The following RALYL variants were observed in gnomAD, a reference collection of about 807,000 sequenced individuals.
RALYL encodes RALY RNA binding protein like.
Under a neutral mutation model 35.1 loss-of-function variants are expected in RALYL, and 29 were observed. That is an observed-to-expected ratio of 0.83 (90% confidence interval 0.61 to 1.13). The LOEUF (loss-of-function observed/expected upper bound fraction) is 1.13. RALYL is among the 50% of genes most tolerant of loss of function. The pLI is 0.00. For synonymous variants in RALYL, 120 were observed against 127.6 expected, an observed-to-expected ratio of 0.94 and a Z score of 0.40; for missense variants, 359 against 360.4, an observed-to-expected ratio of 1.00 and a Z score of 0.03.
intron 1 of RALYL, among the ~76,000 whole-genome samples, chr8:84,461,544 G>A (rs960427615): frequency 2.0e-5 from 3 of 151,694 alleles, no homozygotes; most frequent in Middle Eastern, 6.8e-3. Flanking sequence ...GCAAAATCTT[G>A]TTTTCTGGTA....
rs151196866 is a variant in RALYL at position 84,431,701 on chromosome 8, C to T, written c.-23-97598C>T. 4.1e-3 allele frequency among the ~76,000 whole-genome samples: 628 copies of T among 152,236 alleles called. 6 individuals are homozygous for T. Among genetic ancestry groups the T allele is most frequent in the African/African-American group, 0.014 (593 of 41,536 alleles). Reference sequence around the variant, plus strand: ...CACCTACAATAATGTCCTCCAGGTTCATTCATGGTGAGGCAAATGGCAGGA... The same window carrying T: ...CACCTACAATAATGTCCTCCAGGTTTATTCATGGTGAGGCAAATGGCAGGA... On this transcript the variant is annotated intron_variant, in intron 1 of 8. Coordinates refer to ENST00000521268, the MANE Select transcript of RALYL (RefSeq NM_173848.7).
intron 2 of RALYL, among the ~76,000 whole-genome samples, chr8:84,756,599 A>C (rs1182363564): frequency 6.6e-6 from 1 of 152,158 alleles, no homozygotes. Context: ...CGGGCTGTTA[A>C]CATAATAATT....
intron 1 of RALYL, among the ~76,000 whole-genome samples, chr8:84,503,652 C>A (rs532496965): frequency 6.6e-6 from 1 of 152,066 alleles, no homozygotes; most frequent in South Asian, 2.1e-4. Context: ...AGTTCAAGAC[C>A]AGCCTGGCCA....
intron 1 of RALYL, among the ~76,000 whole-genome samples, chr8:84,250,972 A>G (rs113520189): frequency 1.3e-5 from 2 of 152,130 alleles, no homozygotes; most frequent in Non-Finnish European, 2.9e-5. Flanking sequence ...TCCTTCTTGC[A>G]CAGTTATTTG....
intron 2 of RALYL, among the ~76,000 whole-genome samples, chr8:84,699,025 GAT>G (rs58472794): frequency 0.02 from 3,074 of 151,640 alleles, 116 homozygotes; most frequent in African/African-American, 0.07. Context: ...TAGATAGATA[GAT>G]AGATAGATAG....
chr8:84,874,313 T>TAAATCC (rs1327624408), intron 7 of RALYL, among the ~76,000 whole-genome samples: 1 of 152,194 alleles, frequency 6.6e-6, no homozygotes, highest in African/African-American at 2.4e-5. Context: ...AAGCCCTTGA[T>TAAATCC]AAATCCAACC....
chr8:84,668,942 C>A (rs1406739137), intron 2 of RALYL, among the ~76,000 whole-genome samples: 1 of 151,592 alleles, frequency 6.6e-6, no homozygotes, highest in Non-Finnish European at 1.5e-5. Context: ...GTTAAATGTT[C>A]AACAACACAT....
chr8:84,901,019 T>C (rs1220960862), intron 8 of RALYL, among the ~76,000 whole-genome samples: 1 of 152,130 alleles, frequency 6.6e-6, no homozygotes, highest in Non-Finnish European at 1.5e-5. Context: ...AATTGCTGCT[T>C]ATCTAAGTTA....
At chr8:84,415,170 T>TTTTTTTTA (rs1554654347) in intron 1 of RALYL, among the ~76,000 whole-genome samples, 10 of 151,232 alleles carry the variant, frequency 6.6e-5, no homozygotes, top group African/African-American at 2.5e-4. Context: ...GTTTTTTTTT[T>TTTTTTTTA]TTTTTAATGG....
At chr8:84,356,476 C>G (rs1295360122) in intron 1 of RALYL, among the ~76,000 whole-genome samples, 3 of 150,230 alleles carry the variant, frequency 2.0e-5, no homozygotes, top group Non-Finnish European at 4.4e-5. Context: ...ATGGCTACAA[C>G]AGACATCATG....
chr8:84,855,570 T>C (rs1299605225), intron 5 of RALYL, among the ~76,000 whole-genome samples: 2 of 152,226 alleles, frequency 1.3e-5, no homozygotes, highest in Non-Finnish European at 2.9e-5. Flanking sequence ...ATTTACAGCA[T>C]TGAATGGCAT....
intron 1 of RALYL, among the ~76,000 whole-genome samples, chr8:84,244,366 GCAAA>G (rs1401964060): frequency 3.9e-5 from 6 of 152,096 alleles, no homozygotes; most frequent in African/African-American, 1.4e-4. Context: ...GATATACCAA[GCAAA>G]CAGTGTACAT....
At chr8:84,184,910 G>A in intron 1 of RALYL, 6 of 1,534,148 alleles carry the variant, frequency 3.9e-6, no homozygotes, top group Non-Finnish European at 5.4e-6. Context: ...GCTGGCTCCA[G>A]GCCACGCGAG....
intron 1 of RALYL, among the ~76,000 whole-genome samples, chr8:84,393,388 A>T (rs1861127657): frequency 2.0e-5 from 3 of 152,064 alleles, no homozygotes; most frequent in Non-Finnish European, 4.4e-5. Flanking sequence ...TGACTCCTTC[A>T]TCAAAGAGTG....
Position 84,469,431 on chromosome 8 carries a change from G to T in RALYL, c.-23-59868G>T, listed in dbSNP as rs1436639253. On this transcript the variant is annotated intron_variant, in intron 1 of 8. Coordinates refer to ENST00000521268, the MANE Select transcript of RALYL (RefSeq NM_173848.7). The stretch of plus-strand genomic sequence containing the variant: ...GAGGTGTCAGTGTGCCCCTGCTGGG[G>T]GGTGCCTCCCAGTTAGGCTGCTCGG... Among the ~76,000 whole-genome samples, 3 of 152,292 alleles carry T rather than the reference G, an allele frequency of 2.0e-5. No homozygotes were observed. In the South Asian group the frequency reaches 6.2e-4, roughly 32 times the overall value.
At chr8:84,263,502 G>C (rs188098598) in intron 1 of RALYL, among the ~76,000 whole-genome samples, 1 of 152,310 alleles carries the variant, frequency 6.6e-6, no homozygotes, top group East Asian at 1.9e-4. Flanking sequence ...CCCTCATTCT[G>C]AATGCAATTT....
rs571625830 is a variant in RALYL at position 84,211,369 on chromosome 8, G to A, written c.-24+26945G>A. 3.3e-5 allele frequency among the ~76,000 whole-genome samples: 5 copies of A among 152,144 alleles called. No individual in the cohort carries two copies. In the South Asian group the frequency reaches 8.3e-4, roughly 25 times the overall value. On this transcript the variant is annotated intron_variant, in intron 1 of 8. Transcript: ENST00000521268. ...ATGCACAACTACTAGCTTTCCACTC[G>A]CAGCTTGGACTGGGGCCTAGAATGG...
intron 4 of RALYL, among the ~76,000 whole-genome samples, chr8:84,839,592 T>G (rs1406811785): frequency 6.6e-6 from 1 of 152,210 alleles, no homozygotes; most frequent in Non-Finnish European, 1.5e-5. Context: ...GACTTAAATG[T>G]CCCTGTCTGA....
At chr8:84,816,348 T>C (rs1348241621) in intron 4 of RALYL, among the ~76,000 whole-genome samples, 6 of 152,214 alleles carry the variant, frequency 3.9e-5, no homozygotes, top group Non-Finnish European at 5.9e-5. Flanking sequence ...AATTATTTCT[T>C]CTTCTTCAGC....
Sources: allele counts gnomAD v4.1 joint callset (sites outside exome capture counted in the v4.1 genomes callset), GRCh38; gene constraint gnomAD v4.1.1; transcripts MANE v1.5; gene names NCBI Gene and HGNC (gene_info 2026-07-23, HGNC 2026-07-21).